PHACTR2: variants seen among roughly 807,000 people sequenced by gnomAD.
PHACTR2 encodes the protein phosphatase and actin regulator 2, also known as chromosome 6 open reading frame 56.
PHACTR2 carries 30 observed loss-of-function variants against 76.0 expected under a neutral mutation model. That is an observed-to-expected ratio of 0.39 (90% CI 0.30 to 0.54). PHACTR2 has a LOEUF of 0.54. PHACTR2 is among the 20% of genes least tolerant of loss of function. The pLI, the probability that PHACTR2 is intolerant of heterozygous loss-of-function variation, is 0.61. For missense variants in PHACTR2, 696 were observed against 781.1 expected (o/e 0.89, Z 1.30); for synonymous variants, 292 against 292.5 (o/e 1.00, Z 0.02).
intron 1 of PHACTR2, among the ~76,000 whole-genome samples, chr6:143,670,753 T>C (rs140014328): frequency 3.3e-5 from 5 of 152,312 alleles, no homozygotes; most frequent in Admixed American, 3.3e-4. Flanking sequence ...CTAACCTTTT[T>C]TCCAGGTTCT....
rs907899527 is a variant in PHACTR2, at chr6:143,596,560, C to T, written c.217+59353C>T. Among the ~76,000 whole-genome samples, 3 of 152,080 alleles carry T rather than the reference C, an allele frequency of 2.0e-5. No homozygotes were observed. Among genetic ancestry groups the T allele is most frequent in the Admixed American group, 6.5e-5 (1 of 15,270 alleles). ...TGTGTAAGAATCACAGCCATCAGGCCGGGCACTGTGGCTCATGCCTGTAAT... is the reference window on the plus strand; with the variant it reads ...TGTGTAAGAATCACAGCCATCAGGCTGGGCACTGTGGCTCATGCCTGTAAT... On this transcript the variant is annotated intron_variant, in intron 1 of 11. Transcript: ENST00000367584. The surrounding 1 kb of genome is among the most constrained non-coding windows in gnomAD (Gnocchi z 4.6).
In PHACTR2 at chr6:143,539,970, G is replaced by A. The variant is rs1781157832; in HGVS notation, c.217+2763G>A. 6.6e-6 allele frequency among the ~76,000 whole-genome samples: 1 copy of A among 152,212 alleles called. No individual in the cohort carries two copies. The highest frequency in any genetic ancestry group is 2.1e-4 in the South Asian group (1 of 4,832). ...ATCCTGGCCATTAGATGACGCTAAT[G>A]AGTAGCGAAGTTTGAGAACTGCTGT... On this transcript the variant is annotated intron_variant, in intron 1 of 11. Coordinates refer to the PHACTR2 transcript ENST00000367584. The surrounding 1 kb of genome is among the most constrained non-coding windows in gnomAD (Gnocchi z 4.3).
In PHACTR2 at chr6:143,697,090, T is replaced by TA. The variant is rs1311734668; in HGVS notation, c.47-14924dup. Among the ~76,000 whole-genome samples the TA allele has an allele frequency of 6.6e-6, 1 of 152,222 alleles. No homozygotes were observed. The highest frequency in any genetic ancestry group is 1.5e-5 in the Non-Finnish European group (1 of 68,036). On this transcript the variant is annotated intron_variant, in intron 1 of 12. Coordinates refer to ENST00000440869, the MANE Select transcript of PHACTR2 (RefSeq NM_001100164.2). This position sits in a 1 kb window ranked among gnomAD's most constrained non-coding sequence, Gnocchi z 4.4. ...ATTGAAAGCCTAAAATATTGCCACA[T>TA]AACTGAACATCTGTCATAATGCTAT... is the stretch of plus-strand genomic sequence containing the variant.
Position 143,787,917 on chromosome 6 carries a change from C to T in PHACTR2, c.1708-856C>T, listed in dbSNP as rs1371272630. Among the ~76,000 whole-genome samples, 1 of 152,122 alleles carries T rather than the reference C, an allele frequency of 6.6e-6. No individual in the cohort carries two copies. The highest frequency in any genetic ancestry group is 1.5e-5 in the Non-Finnish European group (1 of 68,030). ...CTCTCTGGAGATAACTGTGATACCA[C>T]CCAACTAAGAAAGACCAAAATGGGA... On this transcript the variant is annotated intron_variant, in intron 10 of 12. Transcript: ENST00000440869. The surrounding 1 kb of genome is among the most constrained non-coding windows in gnomAD (Gnocchi z 4.6).
At chr6:143,673,829 G>A (rs1777197172), upstream of PHACTR2, among the ~76,000 whole-genome samples, 1 of 151,938 alleles carries the variant, frequency 6.6e-6, no homozygotes, top group Admixed American at 6.6e-5. Context: ...GACTCACGCA[G>A]GGTGAGGCAG....
Position 143,570,205 on chromosome 6 carries a change from A to ATGT in PHACTR2, c.217+32999_217+33001dup, listed in dbSNP as rs34397821. 0.61 allele frequency among the ~76,000 whole-genome samples: 92,879 copies of ATGT among 151,694 alleles called. 28,749 individuals carry two copies. Among genetic ancestry groups the ATGT allele is most frequent in the Middle Eastern group, 0.72 (212 of 294 alleles). ...GCATCATAACATTTAAGAATTTAAA[A>ATGT]TGTGTGCATGACATTTTTAGAAATA... On this transcript the variant is annotated intron_variant, in intron 1 of 11. Coordinates refer to the PHACTR2 transcript ENST00000367584. This position sits in a 1 kb window ranked among gnomAD's most constrained non-coding sequence, Gnocchi z 4.6.
chr6:143,682,810 G>A (rs1389082993), intron 1 of PHACTR2, among the ~76,000 whole-genome samples: 2 of 150,590 alleles, frequency 1.3e-5, no homozygotes, highest in Non-Finnish European at 3.0e-5. Context: ...ACCATTAACT[G>A]TGCTATTAGC....
At chr6:143,758,017 T>C (rs1275430085) in intron 4 of PHACTR2, among the ~76,000 whole-genome samples, 2 of 151,860 alleles carry the variant, frequency 1.3e-5, no homozygotes, top group African/African-American at 4.8e-5. Context: ...GAATGACAAA[T>C]GTTCACACAT....
At chr6:143,715,305 G>C (rs977564315) in intron 2 of PHACTR2, among the ~76,000 whole-genome samples, 3 of 151,920 alleles carry the variant, frequency 2.0e-5, no homozygotes, top group African/African-American at 7.3e-5. Flanking sequence ...TCTCTCTTTT[G>C]CCTTTTCTCT....
chr6:143,805,725 T>C (rs533298243), intron 11 of PHACTR2, among the ~76,000 whole-genome samples: 63 of 152,290 alleles, frequency 4.1e-4, no homozygotes, highest in Non-Finnish European at 7.1e-4. Flanking sequence ...GTAGCAAGCA[T>C]TATTGTCACA....
intron 1 of PHACTR2, among the ~76,000 whole-genome samples, chr6:143,649,998 G>C (rs1292600033): frequency 2.0e-5 from 3 of 152,144 alleles, no homozygotes; most frequent in African/African-American, 7.2e-5. Context: ...AAAGTCTCAG[G>C]ATACACAATC....
At chr6:143,724,551 G>A (rs2128464113) in intron 2 of PHACTR2, among the ~76,000 whole-genome samples, 1 of 152,154 alleles carries the variant, frequency 6.6e-6, no homozygotes, top group East Asian at 1.9e-4. Flanking sequence ...TTTATAGATT[G>A]CCTCTTGGTG....
At position 143,599,200 on chromosome 6, in the gene PHACTR2, CAATT is replaced by C. The variant is rs1363212571; in HGVS notation, c.217+61997_217+62000del. On this transcript the variant is annotated intron_variant, in intron 1 of 11. Transcript: ENST00000367584. This position sits in a 1 kb window ranked among gnomAD's most constrained non-coding sequence, Gnocchi z 4.6. ...GAATGGTGAAAAAGAATCATTCTCTCAATTAATCTAAAGCCTATGTGTTAATACT... is the reference window on the plus strand; with the variant it reads ...GAATGGTGAAAAAGAATCATTCTCTCAATCTAAAGCCTATGTGTTAATACT... Among the ~76,000 whole-genome samples the C allele has an allele frequency of 2.6e-5, 4 of 152,136 alleles. No homozygotes were observed. Among genetic ancestry groups the C allele is most frequent in the East Asian group, 1.9e-4 (1 of 5,194 alleles).
In PHACTR2 at chr6:143,625,153, C is replaced by T. The variant is rs1314553149; in HGVS notation, c.13+16831C>T. The stretch of plus-strand genomic sequence containing the variant: ...CATGGAGTGTAGAGACAGAATGAGA[C>T]TTCATCTCAAAAAAAAAAAGTATAG... On this transcript the variant is annotated intron_variant, in intron 1 of 11. Transcript: ENST00000305766. The surrounding 1 kb of genome is among the most constrained non-coding windows in gnomAD (Gnocchi z 4.3). 1.3e-5 allele frequency among the ~76,000 whole-genome samples: 2 copies of T among 150,740 alleles called. No homozygotes were observed. Among genetic ancestry groups the T allele is most frequent in the Non-Finnish European group, 2.9e-5 (2 of 67,802 alleles).
At chr6:143,720,769 T>A (rs1778423089) in intron 2 of PHACTR2, among the ~76,000 whole-genome samples, 1 of 152,102 alleles carries the variant, frequency 6.6e-6, no homozygotes, top group Non-Finnish European at 1.5e-5. Flanking sequence ...TGGACCACCA[T>A]GCCTGGCTAA....
In PHACTR2 at chr6:143,598,579, A is replaced by G. The variant is rs551769930; in HGVS notation, c.217+61372A>G. Reference sequence around the variant, plus strand: ...AATAGGAAAGGAAAGTAAAAGCAGAAGTGTGGGCCAGGGAGGGATCGCAGT... The same window carrying G: ...AATAGGAAAGGAAAGTAAAAGCAGAGGTGTGGGCCAGGGAGGGATCGCAGT... On this transcript the variant is annotated intron_variant, in intron 1 of 11. Transcript: ENST00000367584. The surrounding 1 kb of genome is among the most constrained non-coding windows in gnomAD (Gnocchi z 4.1). Among the ~76,000 whole-genome samples the G allele has an allele frequency of 2.6e-5, 4 of 152,342 alleles. No individual in the cohort carries two copies. The highest frequency in any genetic ancestry group is 7.2e-5 in the African/African-American group (3 of 41,582).
intron 1 of PHACTR2, among the ~76,000 whole-genome samples, chr6:143,559,835 C>T (rs1775240659): frequency 6.7e-6 from 1 of 150,180 alleles, no homozygotes; most frequent in African/African-American, 2.5e-5. Flanking sequence ...CTCAGCCTCC[C>T]AAGTAGCTGG....
At chr6:143,649,094 T>G (rs1257348517) in intron 1 of PHACTR2, among the ~76,000 whole-genome samples, 1 of 152,198 alleles carries the variant, frequency 6.6e-6, no homozygotes, top group African/African-American at 2.4e-5. Context: ...AGATTTTGCC[T>G]TTCCACATGG....
intron 12 of PHACTR2, among the ~76,000 whole-genome samples, chr6:143,813,654 G>T (rs893563629): frequency 1.3e-5 from 2 of 151,192 alleles, no homozygotes; most frequent in African/African-American, 4.9e-5. Flanking sequence ...CAGATGCCTG[G>T]AAATAAAGAT....
Sources: allele counts gnomAD v4.1 joint callset (sites outside exome capture counted in the v4.1 genomes callset), GRCh38; gene constraint gnomAD v4.1.1; non-coding constraint Gnocchi (gnomAD v3.1); transcripts MANE v1.5; gene names NCBI Gene and HGNC (gene_info 2026-07-23, HGNC 2026-07-21).